KCNH5: variants seen among roughly 807,000 people sequenced by gnomAD.
KCNH5 encodes the protein voltage-gated delayed rectifier potassium channel KCNH5.
A neutral mutation model predicts 96.1 loss-of-function variants in KCNH5; 46 were observed. That is an observed-to-expected ratio of 0.48 (90% confidence interval 0.38 to 0.61). The LOEUF is 0.61. Among genes scored for constraint, KCNH5 ranks in the 20% least tolerant of loss-of-function variants. The probability of loss-of-function intolerance (pLI) is 0.00; values close to 1 mark genes in which losing one functional copy is unlikely to be tolerated. For synonymous variants in KCNH5, 439 were observed against 449.8 expected (o/e 0.98, Z 0.30); for missense variants, 907 against 1,225.8 (o/e 0.74, Z 3.88).
chr14:62,753,047 G>A (rs7146105), intron 10 of KCNH5, among the ~76,000 whole-genome samples: 9 of 151,978 alleles, frequency 5.9e-5, no homozygotes, highest in Non-Finnish European at 8.8e-5. Context: ...ATATGTCACC[G>A]TTCAGAAGCA....
intron 7 of KCNH5, among the ~76,000 whole-genome samples, chr14:62,911,282 CTT>C (rs547182329): frequency 4.4e-5 from 6 of 134,964 alleles, no homozygotes; most frequent in Non-Finnish European, 8.1e-5. Context: ...TTTTTTTTTT[CTT>C]TTTTTTTTTT....
At chr14:62,773,059 A>T (rs1886024127) in intron 10 of KCNH5, among the ~76,000 whole-genome samples, 2 of 152,212 alleles carry the variant, frequency 1.3e-5, no homozygotes, top group South Asian at 4.1e-4. Context: ...CTTCCCTATT[A>T]AAAATGAACA....
intron 6 of KCNH5, among the ~76,000 whole-genome samples, chr14:62,965,702 T>C (rs1890292113): frequency 6.6e-6 from 1 of 152,056 alleles, no homozygotes; most frequent in Non-Finnish European, 1.5e-5. Flanking sequence ...TTCATAACAC[T>C]AAAGAGCAGA....
chr14:62,932,099 T>C (rs1445820291), intron 7 of KCNH5, among the ~76,000 whole-genome samples: 1 of 152,042 alleles, frequency 6.6e-6, no homozygotes, highest in Admixed American at 6.6e-5. Context: ...TCTCCCTACA[T>C]AAAGTCCACA....
intron 7 of KCNH5, among the ~76,000 whole-genome samples, chr14:62,912,569 G>A (rs1889190835): frequency 6.6e-6 from 1 of 152,104 alleles, no homozygotes; most frequent in African/African-American, 2.4e-5. Context: ...ACCACACCCA[G>A]CTATTTTTTG....
intron 7 of KCNH5, among the ~76,000 whole-genome samples, chr14:62,876,028 A>G (rs1888365744): frequency 6.6e-6 from 1 of 152,118 alleles, no homozygotes; most frequent in African/African-American, 2.4e-5. Context: ...TTAGCCAGGC[A>G]TGGTGGCATG....
intron 6 of KCNH5, among the ~76,000 whole-genome samples, chr14:62,952,603 C>A (rs180901882): frequency 2.7e-3 from 406 of 152,254 alleles, no homozygotes; most frequent in African/African-American, 9.3e-3. Flanking sequence ...TTTAAAGGAA[C>A]TTTGGGACTT....
chr14:63,041,434 T>G (rs1438547983), intron 1 of KCNH5, among the ~76,000 whole-genome samples: 1 of 152,124 alleles, frequency 6.6e-6, no homozygotes, highest in East Asian at 1.9e-4. Flanking sequence ...GAGACATTGC[T>G]CAGCTGTAAT....
chr14:62,999,991 G>A (rs1890982637), intron 4 of KCNH5, among the ~76,000 whole-genome samples: 1 of 151,972 alleles, frequency 6.6e-6, no homozygotes, highest in African/African-American at 2.4e-5. Flanking sequence ...AAAGGAACAG[G>A]GAATATGGGT....
chr14:62,887,709 T>C (rs1449340753), intron 7 of KCNH5, among the ~76,000 whole-genome samples: 1 of 152,076 alleles, frequency 6.6e-6, no homozygotes, highest in Non-Finnish European at 1.5e-5. Flanking sequence ...AAAAGACCCA[T>C]GGAGCTGCCC....
At chr14:63,007,490 G>A (rs1335190249) in intron 2 of KCNH5, among the ~76,000 whole-genome samples, 1 of 152,040 alleles carries the variant, frequency 6.6e-6, no homozygotes, top group Non-Finnish European at 1.5e-5. Context: ...CAAAATCACA[G>A]TACACTAAAT....
rs1886688676 is a variant in KCNH5, at chr14:62,802,679, C to A, written c.1570-98G>T. 1.5e-5 allele frequency: 20 copies of A among 1,329,558 alleles called. No individual in the cohort carries two copies. In the South Asian group the frequency reaches 1.8e-4, roughly 12 times the overall value. The allele number at this position is 1,329,558 out of a possible 1,614,324, so 82.4% of individuals were successfully genotyped here. ...AAATATTTATTGACTATGACTATGT[C>A]TGCTACACTGCTACACACCTTGCTG... On this transcript the variant is annotated intron_variant, in intron 8 of 10. Transcript: ENST00000322893.
chr14:62,832,125 T>C (rs1887365201), intron 8 of KCNH5, among the ~76,000 whole-genome samples: 1 of 152,056 alleles, frequency 6.6e-6, no homozygotes, highest in Non-Finnish European at 1.5e-5. Context: ...CTATATATTA[T>C]TTTTTTAAAT....
intron 7 of KCNH5, among the ~76,000 whole-genome samples, chr14:62,864,641 T>G (rs1223226838): frequency 1.3e-5 from 2 of 152,178 alleles, no homozygotes; most frequent in Non-Finnish European, 2.9e-5. Flanking sequence ...GTAACAGATG[T>G]TTATCTAAAA....
intron 8 of KCNH5, among the ~76,000 whole-genome samples, chr14:62,837,605 C>A (rs1000129058): frequency 3.3e-5 from 5 of 152,192 alleles, no homozygotes; most frequent in Admixed American, 2.0e-4. Flanking sequence ...AAGCATTAAT[C>A]CTTAATAGTA....
At chr14:62,873,815 A>C (rs2140068938) in intron 7 of KCNH5, among the ~76,000 whole-genome samples, 2 of 152,316 alleles carry the variant, frequency 1.3e-5, no homozygotes, top group South Asian at 4.1e-4. Flanking sequence ...GGTGACTGTC[A>C]CCAGTCTGCT....
rs139859075 is a variant in KCNH5 at position 63,018,331 on chromosome 14, G to A, written c.74-1377C>T. Among the ~76,000 whole-genome samples, 52 of 152,002 alleles carry A rather than the reference G, an allele frequency of 3.4e-4. 1 individual carries two copies. In the East Asian group the frequency reaches 8.5e-3, roughly 25 times the overall value. On this transcript the variant is annotated intron_variant, in intron 1 of 10. Coordinates refer to ENST00000322893, the MANE Select transcript of KCNH5 (RefSeq NM_139318.5). ...GGGGGTGGCAGAGCAACTTGGAGTT[G>A]GGGAAATCCTTTAATTGATGGAGTG... is the stretch of plus-strand genomic sequence containing the variant.
chr14:62,765,646 C>A (rs927134425), intron 10 of KCNH5, among the ~76,000 whole-genome samples: 1 of 152,090 alleles, frequency 6.6e-6, no homozygotes, highest in African/African-American at 2.4e-5. Flanking sequence ...TATCCAGAAT[C>A]TAAAAGGAAC....
chr14:63,002,425 T>C (rs1891027987), intron 3 of KCNH5, among the ~76,000 whole-genome samples: 1 of 152,172 alleles, frequency 6.6e-6, no homozygotes, highest in Non-Finnish European at 1.5e-5. Context: ...TACATTACAA[T>C]CAAAGAGACA....
Sources: gnomAD v4.1 joint callset for allele counts (sites outside exome capture counted in the v4.1 genomes callset) on GRCh38, gnomAD v4.1.1 for gene constraint, MANE v1.5 for transcripts, NCBI Gene and HGNC (gene_info 2026-07-23, HGNC 2026-07-21) for gene names.